Variants in PCDH9 observed in about 807,000 individuals in gnomAD.
The protein encoded by PCDH9 is protocadherin 9.
A neutral mutation model predicts 70.6 loss-of-function variants in PCDH9; 24 were observed. That is an observed-to-expected ratio of 0.34 (90% CI 0.25 to 0.48). The LOEUF (loss-of-function observed/expected upper bound fraction) is 0.48, where lower values mean the gene tolerates loss of function less well. Ranked by LOEUF, PCDH9 falls within the 20% of genes least tolerant of loss-of-function variation. The pLI is 0.99. For synonymous variants in PCDH9, 562 were observed against 558.5 expected, an observed-to-expected ratio of 1.01 and a Z score of -0.09; for missense variants, 1,281 against 1,503.6, an observed-to-expected ratio of 0.85 and a Z score of 2.45.
intron 4 of PCDH9, among the ~76,000 whole-genome samples, chr13:66,326,544 G>A (rs977245469): frequency 6.6e-6 from 1 of 151,832 alleles, no homozygotes; most frequent in South Asian, 2.1e-4. Context: ...TCAGCCTCCC[G>A]AGTAGCTGGG....
intron 3 of PCDH9, among the ~76,000 whole-genome samples, chr13:66,882,102 AT>A (rs1293636851): frequency 6.6e-6 from 1 of 152,146 alleles, no homozygotes; most frequent in Non-Finnish European, 1.5e-5. Context: ...GTTGTGTTCT[AT>A]TTTTGTGGAA....
At chr13:66,747,268 A>T (rs1468833446) in intron 3 of PCDH9, among the ~76,000 whole-genome samples, 2 of 152,082 alleles carry the variant, frequency 1.3e-5, no homozygotes, top group African/African-American at 2.4e-5. Flanking sequence ...GGAGAATTGC[A>T]TGAACCCAGG....
At chr13:67,199,179 A>G (rs1384722842) in intron 2 of PCDH9, among the ~76,000 whole-genome samples, 1 of 151,582 alleles carries the variant, frequency 6.6e-6, no homozygotes, top group Non-Finnish European at 1.5e-5. Context: ...ATCTAAGTGA[A>G]TATGTATTAT....
At chr13:66,638,280 T>A (rs1026923093) in intron 3 of PCDH9, among the ~76,000 whole-genome samples, 2 of 152,204 alleles carry the variant, frequency 1.3e-5, no homozygotes, top group African/African-American at 2.4e-5. Flanking sequence ...TTTCATAATG[T>A]CATTCTCTTC....
At chr13:66,829,717 CAAAAAAAAAAAA>C (rs562176354) in intron 3 of PCDH9, among the ~76,000 whole-genome samples, 6 of 53,128 alleles carry the variant, frequency 1.1e-4, no homozygotes, top group South Asian at 2.4e-3. Flanking sequence ...GACTCCGTCT[CAAAAAAAAAAAA>C]AAAAAAAAAA....
At chr13:66,628,869 T>TA (rs2077533381) in intron 4 of PCDH9, among the ~76,000 whole-genome samples, 1 of 152,214 alleles carries the variant, frequency 6.6e-6, no homozygotes, top group Non-Finnish European at 1.5e-5. Flanking sequence ...TGGCCCTGGC[T>TA]AAAAGACAAA....
chr13:67,094,875 G>C (rs7983779), intron 2 of PCDH9, among the ~76,000 whole-genome samples: 2 of 152,060 alleles, frequency 1.3e-5, no homozygotes, highest in East Asian at 1.9e-4. Flanking sequence ...AGTGGACTTA[G>C]CAGTTTTTCT....
chr13:66,886,743 T>C (rs778415417), intron 3 of PCDH9, among the ~76,000 whole-genome samples: 1 of 152,114 alleles, frequency 6.6e-6, no homozygotes, highest in Non-Finnish European at 1.5e-5. Context: ...TGGATGTGTG[T>C]GGGTATCTGA....
intron 4 of PCDH9, among the ~76,000 whole-genome samples, chr13:66,405,471 G>C (rs542833442): frequency 6.6e-6 from 1 of 152,116 alleles, no homozygotes; most frequent in African/African-American, 2.4e-5. Context: ...ACCGACCAAA[G>C]GATTTCAAGG....
At chr13:66,540,149 A>C (rs1278960570) in intron 4 of PCDH9, among the ~76,000 whole-genome samples, 1 of 152,052 alleles carries the variant, frequency 6.6e-6, no homozygotes, top group Non-Finnish European at 1.5e-5. Flanking sequence ...TGCTGGGATT[A>C]CAAGTGTGAG....
chr13:66,788,175 C>G (rs1338469966), intron 3 of PCDH9, among the ~76,000 whole-genome samples: 1 of 152,130 alleles, frequency 6.6e-6, no homozygotes, highest in Non-Finnish European at 1.5e-5. Context: ...CTGATGAGGG[C>G]CTTCTTGTTA....
chr13:66,659,566 G>C (rs559350308), intron 3 of PCDH9, among the ~76,000 whole-genome samples: 422 of 51,572 alleles, frequency 8.2e-3, no homozygotes, highest in African/African-American at 0.035. Context: ...TGTGTGTTTG[G>C]TAGAACAAGC....
chr13:66,612,556 A>C (rs7996294), intron 4 of PCDH9, among the ~76,000 whole-genome samples: 8,815 of 151,950 alleles, frequency 0.058, 460 homozygotes, highest in African/African-American at 0.14. Context: ...GAATAATATT[A>C]AAATATTGCA....
At chr13:66,382,424 G>GA (rs35686637) in intron 4 of PCDH9, among the ~76,000 whole-genome samples, 3,722 of 142,474 alleles carry the variant, frequency 0.026, 144 homozygotes, top group African/African-American at 0.087. Flanking sequence ...TAAGTTGAGT[G>GA]AAAAAAAAAA....
At chr13:66,438,220 C>T (rs2138394077) in intron 4 of PCDH9, among the ~76,000 whole-genome samples, 1 of 148,456 alleles carries the variant, frequency 6.7e-6, no homozygotes, top group East Asian at 2.0e-4. Context: ...AGTGACAGAG[C>T]GAGACTCCGG....
At chr13:66,390,534 G>A (rs908715452) in intron 4 of PCDH9, among the ~76,000 whole-genome samples, 8 of 151,980 alleles carry the variant, frequency 5.3e-5, no homozygotes, top group East Asian at 3.9e-4. Flanking sequence ...TCAGGAGTTC[G>A]AGACAAGCCT....
chr13:66,940,142 G>A (rs1000057239), intron 2 of PCDH9, among the ~76,000 whole-genome samples: 3 of 152,012 alleles, frequency 2.0e-5, no homozygotes, highest in Admixed American at 6.6e-5. Flanking sequence ...TAAATGCTTC[G>A]TATAGAAGCT....
At position 66,908,304 on chromosome 13, in the gene PCDH9, A is replaced by G. The variant is rs143109824; in HGVS notation, c.3037-4699T>C. 2.8e-4 allele frequency among the ~76,000 whole-genome samples: 43 copies of G among 152,340 alleles called. No individual in the cohort carries two copies. The East Asian group carries it at 7.1e-3, about 25-fold the overall frequency. ...ATGTACTGGCCTTCAAGGATGCTAT[A>G]CACTCATGGCTTTCTTTCTTCTCCT... On this transcript the variant is annotated intron_variant, in intron 2 of 4. Coordinates refer to ENST00000377865, the MANE Select transcript of PCDH9 (RefSeq NM_203487.3).
intron 4 of PCDH9, among the ~76,000 whole-genome samples, chr13:66,308,670 A>T (rs1955511973): frequency 6.6e-6 from 1 of 152,008 alleles, no homozygotes; most frequent in Non-Finnish European, 1.5e-5. Context: ...CTAGGGTTTT[A>T]GGGCTCTCTG....
Sources: gnomAD v4.1 joint callset for allele counts (sites outside exome capture counted in the v4.1 genomes callset) on GRCh38, gnomAD v4.1.1 for gene constraint, MANE v1.5 for transcripts, NCBI Gene and HGNC (gene_info 2026-07-23, HGNC 2026-07-21) for gene names.